Variants in ST6GAL2 observed in about 807,000 individuals in gnomAD.
ST6GAL2 encodes ST6 beta-galactoside alpha-2,6-sialyltransferase 2, also known as beta-galactoside alpha-2,6-sialyltransferase 2.
Under a neutral mutation model 37.5 loss-of-function variants are expected in ST6GAL2, and 24 were observed. That is an observed-to-expected ratio of 0.64 (90% CI 0.46 to 0.90). The LOEUF is 0.90. Among genes scored for constraint, ST6GAL2 ranks in the 40% least tolerant of loss-of-function variants. The probability of loss-of-function intolerance (pLI) is 0.00; values close to 1 mark genes in which losing one functional copy is unlikely to be tolerated. For missense variants in ST6GAL2, 715 were observed against 712.7 expected, an observed-to-expected ratio of 1.00 and a Z score of -0.04; for synonymous variants, 306 against 295.1, an observed-to-expected ratio of 1.04 and a Z score of -0.38.
chr2:106,823,144 C>T (rs1195392918), intron 5 of ST6GAL2: 2 of 151,900 alleles, frequency 1.3e-5, no homozygotes, highest in African/African-American at 2.4e-5. Context: ...AAAAGGAAGC[C>T]CTGTTATTTT....
intron 2 of ST6GAL2, among the ~76,000 whole-genome samples, chr2:106,839,386 A>G (rs1676781317): frequency 1.3e-5 from 2 of 152,218 alleles, no homozygotes. Context: ...CTGCCTTGTC[A>G]GCCTACATAT....
intron 1 of ST6GAL2, among the ~76,000 whole-genome samples, chr2:106,853,193 C>T (rs918691714): frequency 6.6e-6 from 1 of 152,224 alleles, no homozygotes; most frequent in African/African-American, 2.4e-5. Flanking sequence ...CTCTGACATC[C>T]GTATCTTTGT....
chr2:106,869,769 C>A (rs1209643754), intron 1 of ST6GAL2, among the ~76,000 whole-genome samples: 1 of 152,210 alleles, frequency 6.6e-6, no homozygotes, highest in Non-Finnish European at 1.5e-5. Context: ...GCCTAGACAG[C>A]TCCAAGGGGA....
intron 3 of ST6GAL2, 106 bp downstream of exon 3, chr2:106,833,939 ATAAT>A: frequency 1.4e-6 from 1 of 693,944 alleles, no homozygotes; most frequent in South Asian, 2.1e-5. Flanking sequence ...TACCACGGTC[ATAAT>A]TAACCAGGTA....
chr2:106,838,982 G>A (rs763563711), intron 2 of ST6GAL2, among the ~76,000 whole-genome samples: 7 of 151,998 alleles, frequency 4.6e-5, no homozygotes, highest in Non-Finnish European at 7.4e-5. Flanking sequence ...GTTGCAGTGA[G>A]CCAAGATTGT....
At chr2:106,863,411 G>A (rs1426692791) in intron 1 of ST6GAL2, among the ~76,000 whole-genome samples, 2 of 152,108 alleles carry the variant, frequency 1.3e-5, no homozygotes, top group African/African-American at 2.4e-5. Context: ...CTGGGAATGA[G>A]GAATCTCAAG....
chr2:106,871,889 GAAGTA>G (rs1167386572), intron 1 of ST6GAL2, among the ~76,000 whole-genome samples: 1 of 152,214 alleles, frequency 6.6e-6, no homozygotes, highest in Non-Finnish European at 1.5e-5. Context: ...AAGAACGATA[GAAGTA>G]TAGTACAGTA....
intron 1 of ST6GAL2, 31 bp from the exon 2 acceptor site, chr2:106,844,065 C>T: frequency 2.8e-6 from 3 of 1,053,166 alleles, no homozygotes; most frequent in South Asian, 1.5e-5. Context: ...AGTTAGCCAA[C>T]ATGGGGCATC....
At chr2:106,826,826 C>T (rs549593902) in intron 5 of ST6GAL2, among the ~76,000 whole-genome samples, 1 of 152,180 alleles carries the variant, frequency 6.6e-6, no homozygotes, top group African/African-American at 2.4e-5. Context: ...ATGAAGCCAA[C>T]CATGTGTGCA....
intron 1 of ST6GAL2, among the ~76,000 whole-genome samples, chr2:106,866,244 A>C (rs1678020742): frequency 6.6e-6 from 1 of 152,208 alleles, no homozygotes; most frequent in African/African-American, 2.4e-5. Flanking sequence ...CTGTGCAGTC[A>C]TGTGGGACCC....
chr2:106,832,717 A>G (rs776896431), intron 3 of ST6GAL2, 51 bp from the exon 4 acceptor site: 1 of 1,211,206 alleles, frequency 8.3e-7, no homozygotes, highest in Admixed American at 1.7e-5. Flanking sequence ...GTTTTTAAAA[A>G]TTGCATTTTA....
intron 3 of ST6GAL2, among the ~76,000 whole-genome samples, chr2:106,833,035 G>C (rs1389088681): frequency 1.3e-5 from 2 of 152,144 alleles, no homozygotes; most frequent in Non-Finnish European, 2.9e-5. Flanking sequence ...GATGAAGTGA[G>C]TTCAGAAGGA....
At chr2:106,883,017 T>A (rs1168149875) in intron 1 of ST6GAL2, among the ~76,000 whole-genome samples, 1 of 152,188 alleles carries the variant, frequency 6.6e-6, no homozygotes, top group Non-Finnish European at 1.5e-5. Flanking sequence ...AAGATAATAG[T>A]CACAACTGCT....
chr2:106,854,403 G>A (rs996395432), intron 1 of ST6GAL2, among the ~76,000 whole-genome samples: 2 of 152,164 alleles, frequency 1.3e-5, no homozygotes, highest in South Asian at 2.1e-4. Flanking sequence ...CCCAAAAAGA[G>A]AGCACAATAT....
chr2:106,831,418 T>A (rs886358289), intron 4 of ST6GAL2, among the ~76,000 whole-genome samples: 2 of 152,140 alleles, frequency 1.3e-5, no homozygotes, highest in Non-Finnish European at 2.9e-5. Context: ...AACTCTCAAG[T>A]CTGTTCACAA....
At chr2:106,811,969 T>A (rs1675626594) in intron 5 of ST6GAL2, among the ~76,000 whole-genome samples, 1 of 152,128 alleles carries the variant, frequency 6.6e-6, no homozygotes, top group Non-Finnish European at 1.5e-5. Flanking sequence ...GCACAGGGAC[T>A]GAATTCCCCC....
intron 1 of ST6GAL2, among the ~76,000 whole-genome samples, chr2:106,882,197 C>G (rs12617908): frequency 0.077 from 11,734 of 152,286 alleles, 1,031 homozygotes; most frequent in East Asian, 0.44. Flanking sequence ...ATCCAGCAGG[C>G]TCAGCCTGAT....
chr2:106,833,664 C>T (rs1676515986), intron 3 of ST6GAL2, among the ~76,000 whole-genome samples: 2 of 152,160 alleles, frequency 1.3e-5, no homozygotes, highest in Admixed American at 6.5e-5. Flanking sequence ...GCAAAGATCT[C>T]CTATGAACTC....
chr2:106,836,846 C>T (rs951323571), intron 2 of ST6GAL2, among the ~76,000 whole-genome samples: 3 of 142,082 alleles, frequency 2.1e-5, no homozygotes, highest in African/African-American at 7.9e-5. Context: ...ACTCGGGAGG[C>T]TAAGGTAGAA....
Sources: allele counts gnomAD v4.1 joint callset (sites outside exome capture counted in the v4.1 genomes callset), GRCh38; gene constraint gnomAD v4.1.1; transcripts MANE v1.5; gene names NCBI Gene and HGNC (gene_info 2026-07-23, HGNC 2026-07-21).